Variants in MYRF observed in about 807,000 individuals in gnomAD.
MYRF encodes myelin gene regulatory factor.
MYRF carries 16 observed loss-of-function variants against 126.3 expected under a neutral mutation model. The ratio of observed to expected loss-of-function variants is 0.13; its 90% confidence interval spans 0.09 to 0.19. The LOEUF (loss-of-function observed/expected upper bound fraction) is 0.19. Ranked by LOEUF, MYRF falls within the 10% of genes least tolerant of loss-of-function variation. The pLI is 1.00. For synonymous variants in MYRF, 608 were observed against 635.3 expected, an observed-to-expected ratio of 0.96 and a Z score of 0.65; for missense variants, 1,104 against 1,547.0, an observed-to-expected ratio of 0.71 and a Z score of 4.80.
intron 1 of MYRF, chr11:61,755,284 G>C: frequency 7.5e-7 from 1 of 1,324,680 alleles, no homozygotes; most frequent in South Asian, 1.3e-5. Context: ...TGGACCTCAG[G>C]TGGGAGGCCG....
chr11:61,781,869 C>T (rs773159753), intron 22 of MYRF, 45 bp downstream of exon 22: 1 of 1,494,432 alleles, frequency 6.7e-7, no homozygotes, highest in Non-Finnish European at 8.9e-7. Context: ...CCTGGCAAGG[C>T]TCACTGGCCA....
At chr11:61,765,574 G>A in intron 1 of MYRF, 51 bp from the exon 2 acceptor site, 4 of 1,484,760 alleles carry the variant, frequency 2.7e-6, no homozygotes. Flanking sequence ...TGAAGCCCAG[G>A]GTCTGCAGGG....
rs1241592797 is a variant in MYRF at position 61,781,585 on chromosome 11, T to C, written c.2777T>C (p.Met926Thr). The C allele has an allele frequency of 6.2e-7, 1 of 1,613,678 alleles. No homozygotes were observed. Among genetic ancestry groups the C allele is most frequent in the Non-Finnish European group, 8.5e-7 (1 of 1,179,938 alleles). Residue 926 changes from methionine to threonine, a missense_variant, in exon 22 of 27, where the codon ATG (methionine) becomes ACG (threonine). Physicochemically the swap from Met to Thr is moderately conservative, Grantham distance 81. Transcript: ENST00000278836. ...PSTNRSGPSQ[M>T]ALLPVTNIRA... ...GTTCTATCCACAGGCCCCAGCCAGATGGCCCTTCTGCCAGTCACCAACATC... is the reference window on the plus strand; with the variant it reads ...GTTCTATCCACAGGCCCCAGCCAGACGGCCCTTCTGCCAGTCACCAACATC...
intron 3 of MYRF, chr11:61,767,524 G>A (rs1383185796): frequency 4.6e-6 from 2 of 434,334 alleles, no homozygotes; most frequent in Non-Finnish European, 4.6e-6. Context: ...GAGTCTAGGT[G>A]ATAAACAAGA....
chr11:61,777,542 C>T lies in MYRF; in HGVS notation c.1791+78C>T. The T allele has an allele frequency of 6.8e-7, 1 of 1,478,456 alleles. No homozygotes were observed. The highest frequency in any genetic ancestry group is 9.1e-7 in the Non-Finnish European group (1 of 1,093,092). The allele number at this position is 1,478,456 out of a possible 1,614,324, so 91.6% of individuals were successfully genotyped here. On this transcript the variant is annotated intron_variant, in intron 12 of 26. Transcript: ENST00000278836. The surrounding 1 kb of genome is among the most constrained non-coding windows in gnomAD (Gnocchi z 8.8). ...GGGGGCGGGGCTCCTGGGGAGGGGG[C>T]GTGACTACGCGGAAAGGCGGAGCTG...
chr11:61,756,596 C>T (rs2065764117), intron 1 of MYRF, among the ~76,000 whole-genome samples: 1 of 151,054 alleles, frequency 6.6e-6, no homozygotes, highest in Non-Finnish European at 1.5e-5. Context: ...TCCCCATGTC[C>T]CCAGCACCCA....
rs764823467 is a variant in MYRF, at chr11:61,776,162, C to A, written c.1388+30C>A. ...GTGTCTGACCCTGTTGGGGGTGGTA[C>A]CTAGAAGGGTCCACAACTAAAGCTG... On this transcript the variant is annotated intron_variant, in intron 9 of 26. Transcript: ENST00000278836. The surrounding 1 kb of genome is among the most constrained non-coding windows in gnomAD (Gnocchi z 4.3). The A allele has an allele frequency of 6.2e-7, 1 of 1,612,092 alleles. No individual in the cohort carries two copies. The highest frequency in any genetic ancestry group is 1.3e-5 in the African/African-American group (1 of 74,864).
chr11:61,754,821 G>A (rs899580959), intron 1 of MYRF, among the ~76,000 whole-genome samples: 7 of 152,238 alleles, frequency 4.6e-5, no homozygotes, highest in Admixed American at 6.5e-5. Context: ...CAGCCCCTGC[G>A]ATGGGGGAAG....
Position 61,757,168 on chromosome 11 carries a change from CCT to C in MYRF, c.46+4382_46+4383del, listed in dbSNP as rs1347484511. On this transcript the variant is annotated intron_variant, in intron 1 of 26. Transcript: ENST00000278836. The surrounding 1 kb of genome is among the most constrained non-coding windows in gnomAD (Gnocchi z 4.7). The stretch of plus-strand genomic sequence containing the variant: ...TTGGGTGCTGGAGTATGTGGGGCCT[CCT>C]CTCCTATCTCCAGGCCTTCAGCCCC... 1 of 456,950 alleles carries C rather than the reference CCT, an allele frequency of 2.2e-6. No homozygotes were observed. The highest frequency in any genetic ancestry group is 6.9e-5 in the East Asian group (1 of 14,514). The allele number at this position is 456,950 out of a possible 1,614,324, so 28.3% of individuals were successfully genotyped here.
rs896031760 is a variant in MYRF at position 61,757,991 on chromosome 11, T to C, written c.46+5201T>C. ...GGGTGGCCACGCCAGGTGATGTCCG[T>C]GCAGCCTCCTTGACCTCTCTAGACC... On this transcript the variant is annotated intron_variant, in intron 1 of 26. Transcript: ENST00000278836. This position sits in a 1 kb window ranked among gnomAD's most constrained non-coding sequence, Gnocchi z 4.7. Among the ~76,000 whole-genome samples, 19 of 152,150 alleles carry C rather than the reference T, an allele frequency of 1.2e-4. No individual in the cohort carries two copies. The highest frequency in any genetic ancestry group is 2.2e-4 in the Non-Finnish European group (15 of 68,022).
intron 1 of MYRF, chr11:61,755,312 C>G: frequency 1.3e-6 from 2 of 1,509,814 alleles, no homozygotes; most frequent in East Asian, 4.8e-5. Context: ...GCGGCCCCCT[C>G]GAGGCTGGTA....
intron 1 of MYRF, among the ~76,000 whole-genome samples, chr11:61,753,846 G>A (rs198465): frequency 0.44 from 66,677 of 151,880 alleles, 15,130 homozygotes; most frequent in Middle Eastern, 0.5. Context: ...GGATGGGACC[G>A]CAGTGGGAGG....
chr11:61,781,742 T>C lies in MYRF; in HGVS notation c.2934T>C (p.Leu978=). 1 of 1,612,320 alleles carries C rather than the reference T, an allele frequency of 6.2e-7. No homozygotes were observed. Among genetic ancestry groups the C allele is most frequent in the Non-Finnish European group, 8.5e-7 (1 of 1,179,600 alleles). Residue 978 remains leucine, a synonymous_variant, in exon 22 of 27, where the codon CTT becomes CTC. Transcript: ENST00000278836. Reference sequence around the variant, plus strand: ...GCAAAGCCAAGAACAGTCCCAGCCTTGGTTTCCATGGCCGGGCCCGCCGAG... The same window carrying C: ...GCAAAGCCAAGAACAGTCCCAGCCTCGGTTTCCATGGCCGGGCCCGCCGAG... ...GQGKAKNSPS[L]GFHGRARRGA...
At chr11:61,780,836 C>A (rs1047172018) in intron 19 of MYRF, 44 bp downstream of exon 19, 44 of 1,557,014 alleles carry the variant, frequency 2.8e-5, no homozygotes, top group Non-Finnish European at 3.7e-5. Flanking sequence ...CCTGCTGCCC[C>A]TCTTCCTGCC....
At chr11:61,760,289 G>C (rs2065865367) in intron 1 of MYRF, among the ~76,000 whole-genome samples, 2 of 152,152 alleles carry the variant, frequency 1.3e-5, no homozygotes, top group Non-Finnish European at 2.9e-5. Context: ...AATAAAGAGA[G>C]AAAGCCCAAA....
At chr11:61,762,696 T>C (rs1047562082) in intron 1 of MYRF, among the ~76,000 whole-genome samples, 6 of 152,138 alleles carry the variant, frequency 3.9e-5, no homozygotes, top group African/African-American at 7.2e-5. Context: ...ACGGGCGGGC[T>C]GGGGGCCGAG....
intron 1 of MYRF, among the ~76,000 whole-genome samples, chr11:61,761,421 C>T (rs1179654497): frequency 2.6e-5 from 4 of 152,128 alleles, no homozygotes; most frequent in East Asian, 1.9e-4. Flanking sequence ...GAGAGAAGAG[C>T]GGAGCGGAGG....
At chr11:61,763,878 ATAAAG>A (rs2065972960) in intron 1 of MYRF, among the ~76,000 whole-genome samples, 1 of 152,202 alleles carries the variant, frequency 6.6e-6, no homozygotes, top group African/African-American at 2.4e-5. Context: ...AAAAAAAGAA[ATAAAG>A]TAAAGAAACT....
chr11:61,773,865 G>A (rs1459445800), intron 7 of MYRF, 102 bp from the exon 8 acceptor site: 1 of 916,576 alleles, frequency 1.1e-6, no homozygotes, highest in African/African-American at 1.7e-5. Context: ...GGATGCAGGG[G>A]TGTGGTGTGG....
Sources: gnomAD v4.1 joint callset for allele counts (sites outside exome capture counted in the v4.1 genomes callset) on GRCh38, gnomAD v4.1.1 for gene constraint, Gnocchi (gnomAD v3.1) non-coding constraint, MANE v1.5 for transcripts, NCBI Gene and HGNC (gene_info 2026-07-23, HGNC 2026-07-21) for gene names.